LINS1: variants seen among roughly 807,000 people sequenced by gnomAD.
The protein encoded by LINS1 is protein Lines homolog 1.
LINS1 carries 27 observed loss-of-function variants against 41.6 expected under a neutral mutation model. That is an observed-to-expected ratio of 0.65 (90% CI 0.48 to 0.89). The LOEUF is 0.89. Among genes scored for constraint, LINS1 ranks in the 40% least tolerant of loss-of-function variants. The probability of loss-of-function intolerance (pLI) is 0.00; values close to 1 mark genes in which losing one functional copy is unlikely to be tolerated. For missense variants in LINS1, 955 were observed against 884.1 expected (o/e 1.08, Z -1.02); for synonymous variants, 336 against 312.9 (o/e 1.07, Z -0.78).
intron 5 of LINS1, 70 bp downstream of exon 5, chr15:100,573,581 T>C: frequency 1.0e-6 from 1 of 1,002,616 alleles, no homozygotes; most frequent in Non-Finnish European, 1.5e-6. Flanking sequence ...TCCTGAGATT[T>C]GATAATTATG....
chr15:100,574,239 T>C lies in LINS1; in HGVS notation c.634A>G (p.Ile212Val). 6.4e-7 allele frequency: 1 copy of C among 1,561,606 alleles called. No individual in the cohort carries two copies. The highest frequency in any genetic ancestry group is 2.2e-5 in the East Asian group (1 of 44,680). Reference sequence around the variant, plus strand: ...AAATGAGTCAGGAACTGCTTTAGAATTTCTGCAATTATAAAAATAGGAATT... The same window carrying C: ...AAATGAGTCAGGAACTGCTTTAGAACTTCTGCAATTATAAAAATAGGAATT... ...FKDSCSQKTE[I>V]LKQFLTHFDT... The change falls in exon 5 of 7, where the codon ATT (isoleucine) becomes GTT (valine). Residue 212 changes from isoleucine to valine, a missense_variant and splice_region_variant. Coordinates refer to ENST00000314742, the MANE Select transcript of LINS1 (RefSeq NM_001040616.3).
chr15:100,584,010 T>G (rs948186908), intron 1 of LINS1, among the ~76,000 whole-genome samples: 3 of 151,736 alleles, frequency 2.0e-5, no homozygotes, highest in South Asian at 4.2e-4. Flanking sequence ...TTATTTTTAT[T>G]TATTATCCCT....
Position 100,573,745 on chromosome 15 carries a change from A to T in LINS1, c.1128T>A (p.Ser376Arg), listed in dbSNP as rs12592868. The change falls in exon 5 of 7, where the codon AGT (serine) becomes AGA (arginine). Residue 376 changes from serine (S) to arginine (R), a missense_variant. Ser to Arg is a moderately radical substitution (Grantham distance 110). Transcript: ENST00000314742. Reference sequence around the variant, plus strand: ...CTGCTCTAAGGATCACATGATCTGGACTAGTGATAAGTTCACATTCAGGTT... The same window carrying T: ...CTGCTCTAAGGATCACATGATCTGGTCTAGTGATAAGTTCACATTCAGGTT... Reference protein sequence around the residue: ...EVQPECELITSPDHVILRAAS... With the variant: ...EVQPECELITRPDHVILRAAS... 9 of 1,613,746 alleles carry T rather than the reference A, an allele frequency of 5.6e-6. No individual in the cohort carries two copies. The highest frequency in any genetic ancestry group is 7.6e-6 in the Non-Finnish European group (9 of 1,179,754).
chr15:100,598,795 C>G (rs944618692), intron 1 of LINS1, among the ~76,000 whole-genome samples: 1 of 152,170 alleles, frequency 6.6e-6, no homozygotes, highest in African/African-American at 2.4e-5. Context: ...TATGGTGGCC[C>G]TCTTTATTAC....
At chr15:100,597,420 G>A (rs1262010889) in intron 1 of LINS1, among the ~76,000 whole-genome samples, 2 of 152,148 alleles carry the variant, frequency 1.3e-5, no homozygotes, top group East Asian at 1.9e-4. Context: ...ACAAATGGCT[G>A]GGCCCACTTT....
At chr15:100,572,680 T>G in intron 5 of LINS1, 1 of 986,548 alleles carries the variant, frequency 1.0e-6, no homozygotes, top group Non-Finnish European at 1.2e-6. Flanking sequence ...AGTGATGTCA[T>G]TGCTCACAAT....
At chr15:100,590,874 C>T (rs2039004956) in intron 1 of LINS1, among the ~76,000 whole-genome samples, 1 of 152,100 alleles carries the variant, frequency 6.6e-6, no homozygotes, top group Non-Finnish European at 1.5e-5. Flanking sequence ...TATTATCCTC[C>T]CAATAGTCAT....
chr15:100,576,845 T>A (rs1259577309), intron 3 of LINS1: 1 of 152,184 alleles, frequency 6.6e-6, no homozygotes, highest in Non-Finnish European at 1.5e-5. Context: ...GTGGGCTTCA[T>A]CCCTGGGACG....
intron 1 of LINS1, among the ~76,000 whole-genome samples, chr15:100,592,814 G>C (rs2039095403): frequency 6.6e-6 from 1 of 152,196 alleles, no homozygotes; most frequent in Non-Finnish European, 1.5e-5. Flanking sequence ...GGGCCAGGCA[G>C]CTAATGAATG....
intron 3 of LINS1, among the ~76,000 whole-genome samples, chr15:100,575,549 A>T (rs1332995926): frequency 6.6e-6 from 1 of 152,158 alleles, no homozygotes; most frequent in Non-Finnish European, 1.5e-5. Context: ...CTACAAAGAG[A>T]CTTAGACTCC....
intron 1 of LINS1, among the ~76,000 whole-genome samples, chr15:100,582,731 T>C (rs111428463): frequency 1.1e-4 from 14 of 124,824 alleles, no homozygotes; most frequent in South Asian, 6.0e-4. Flanking sequence ...CTTGGTCTTA[T>C]ACTGGGTCTT....
Position 100,573,898 on chromosome 15 carries a change from C to A in LINS1, c.975G>T (p.Pro325=), listed in dbSNP as rs377267845. The part of the protein sequence containing the change: ...LCRGSVPALM[P]PDHHVAVDML... ...TGTCCACCGCTACATGATGGTCTGGCGGCATTAAGGCAGGCACAGATCCAC... is the reference window on the plus strand; with the variant it reads ...TGTCCACCGCTACATGATGGTCTGGAGGCATTAAGGCAGGCACAGATCCAC... The change falls in exon 5 of 7, where the codon CCG becomes CCT. Residue 325 remains proline (P), a synonymous_variant. Transcript: ENST00000314742. 97 of 1,614,082 alleles carry A rather than the reference C, an allele frequency of 6.0e-5. No homozygotes were observed. In the Middle Eastern group the frequency reaches 1.2e-3, roughly 19 times the overall value.
intron 1 of LINS1, among the ~76,000 whole-genome samples, chr15:100,599,694 G>T (rs1175193600): frequency 6.6e-6 from 1 of 151,838 alleles, no homozygotes; most frequent in African/African-American, 2.4e-5. Flanking sequence ...CTTCTTTTTG[G>T]GAGTTCAAAA....
At chr15:100,570,229 A>T in intron 6 of LINS1, 112 bp from the exon 7 acceptor site, 1 of 856,500 alleles carries the variant, frequency 1.2e-6, no homozygotes, top group Non-Finnish European at 1.7e-6. Flanking sequence ...TTTTAAATCT[A>T]TGCATCACTT....
intron 1 of LINS1, among the ~76,000 whole-genome samples, chr15:100,596,173 G>A (rs1213420718): frequency 6.6e-6 from 1 of 152,088 alleles, no homozygotes; most frequent in Non-Finnish European, 1.5e-5. Context: ...GGGGGTGCTG[G>A]CGGTTACTGG....
At chr15:100,588,967 T>A (rs2038922932) in intron 1 of LINS1, among the ~76,000 whole-genome samples, 1 of 152,240 alleles carries the variant, frequency 6.6e-6, no homozygotes, top group Non-Finnish European at 1.5e-5. Flanking sequence ...ACAATTTGCC[T>A]GTTTTACAGC....
At chr15:100,591,962 C>T (rs760267893) in intron 1 of LINS1, among the ~76,000 whole-genome samples, 2 of 152,156 alleles carry the variant, frequency 1.3e-5, no homozygotes, top group Admixed American at 6.5e-5. Context: ...GAGGCAGGGA[C>T]ATAGGCTAAT....
At chr15:100,573,495 C>CTT (rs34816737) in intron 5 of LINS1, 156 bp downstream of exon 5, 7,225 of 609,542 alleles carry the variant, frequency 0.012, 1 homozygote, top group South Asian at 0.023. Flanking sequence ...AAATCCAGTT[C>CTT]TTTTTTTTTT....
At position 100,567,451 on chromosome 15, in the gene LINS1, T is replaced by C. The variant is rs1359146757; in HGVS notation, c.*1787A>G. The C allele has an allele frequency of 2.6e-5, 4 of 152,256 alleles. No homozygotes were observed. In the East Asian group the frequency reaches 7.7e-4, roughly 29 times the overall value. The allele number at this position is 152,256 out of a possible 1,614,324, so 9.4% of individuals were successfully genotyped here. On this transcript the variant is annotated 3_prime_UTR_variant, in exon 7 of 7. Coordinates refer to ENST00000314742, the MANE Select transcript of LINS1 (RefSeq NM_001040616.3). Reference sequence around the variant, plus strand: ...ACTTTCTTATGTAGTCTTACATACATATTTTATACATGCACAAAAGCATAT... The same window carrying C: ...ACTTTCTTATGTAGTCTTACATACACATTTTATACATGCACAAAAGCATAT...
Sources: gnomAD v4.1 joint callset for allele counts (sites outside exome capture counted in the v4.1 genomes callset) on GRCh38, gnomAD v4.1.1 for gene constraint, MANE v1.5 for transcripts, NCBI Gene and HGNC (gene_info 2026-07-23, HGNC 2026-07-21) for gene names.